Variants in CDH20 observed in about 807,000 individuals in gnomAD.
CDH20 encodes cadherin-20.
CDH20 carries 29 observed loss-of-function variants against 74.2 expected under a neutral mutation model. That is an observed-to-expected ratio of 0.39 (90% confidence interval 0.29 to 0.53). The LOEUF (loss-of-function observed/expected upper bound fraction) is 0.53, where lower values mean the gene tolerates loss of function less well. CDH20 is among the 20% of genes least tolerant of loss of function. The pLI is 0.69. For missense variants in CDH20, 988 were observed against 1,048.3 expected (o/e 0.94, Z 0.79); for synonymous variants, 469 against 405.4 (o/e 1.16, Z -1.88).
intron 5 of CDH20, 116 bp from the exon 6 acceptor site, chr18:61,507,257 T>C (rs1235837059): frequency 1.0e-6 from 1 of 990,938 alleles, no homozygotes; most frequent in Non-Finnish European, 1.5e-6. Context: ...ACTCAAGTTT[T>C]ACTTTTTGAA....
At position 61,554,703 on chromosome 18, in the gene CDH20, C is replaced by G. The variant is rs749735963; in HGVS notation, c.*8C>G. ...CCCGCGCCGCTGTGGTGACGGAAGC[C>G]AGGAGGCAGGCGCGCGTCCAAATCC... On this transcript the variant is annotated 3_prime_UTR_variant, in exon 12 of 12. Coordinates refer to ENST00000262717, the MANE Select transcript of CDH20 (RefSeq NM_031891.4). 2 of 1,548,388 alleles carry G rather than the reference C, an allele frequency of 1.3e-6. No individual in the cohort carries two copies. Among genetic ancestry groups the G allele is most frequent in the South Asian group, 1.2e-5 (1 of 85,032 alleles).
Position 61,553,114 on chromosome 18 carries a change from T to A in CDH20, c.1901-1076T>A, listed in dbSNP as rs149556401. Among the ~76,000 whole-genome samples, 1,235 of 152,278 alleles carry A rather than the reference T, an allele frequency of 8.1e-3. 17 individuals are homozygous for A. Among genetic ancestry groups the A allele is most frequent in the African/African-American group, 0.028 (1,174 of 41,546 alleles). ...AAAAGCACATCTACATTCAAAAAAA[T>A]TTTTAAATCATTGTTGTGAGTTTTA... On this transcript the variant is annotated intron_variant, in intron 11 of 11. Coordinates refer to ENST00000262717, the MANE Select transcript of CDH20 (RefSeq NM_031891.4).
chr18:61,496,557 C>G (rs982914205), intron 2 of CDH20, among the ~76,000 whole-genome samples: 11 of 152,132 alleles, frequency 7.2e-5, no homozygotes, highest in African/African-American at 2.7e-4. Flanking sequence ...CTCCAGGGCA[C>G]CAGCCAGCTC....
At chr18:61,494,805 A>G (rs1381978666) in intron 2 of CDH20, among the ~76,000 whole-genome samples, 3 of 152,184 alleles carry the variant, frequency 2.0e-5, no homozygotes, top group Admixed American at 6.5e-5. Context: ...CTTGTGCACG[A>G]ATCTGTGGGT....
chr18:61,510,304 G>T (rs1320351755), intron 6 of CDH20, among the ~76,000 whole-genome samples: 3 of 152,172 alleles, frequency 2.0e-5, no homozygotes, highest in Non-Finnish European at 4.4e-5. Flanking sequence ...GAGGCAGGAG[G>T]ATAATGGAGG....
intron 1 of CDH20, among the ~76,000 whole-genome samples, chr18:61,401,464 T>C (rs900598937): frequency 7.9e-5 from 12 of 152,208 alleles, no homozygotes; most frequent in African/African-American, 2.9e-4. Context: ...TACACACATA[T>C]ATTTATGTAT....
intron 1 of CDH20, among the ~76,000 whole-genome samples, chr18:61,429,681 C>T (rs1369698042): frequency 6.6e-6 from 1 of 152,152 alleles, no homozygotes; most frequent in Non-Finnish European, 1.5e-5. Context: ...GCCTCGTCTC[C>T]CCTGATTCTA....
intron 1 of CDH20, among the ~76,000 whole-genome samples, chr18:61,354,729 C>T (rs1192249912): frequency 2.6e-5 from 4 of 152,102 alleles, no homozygotes; most frequent in Non-Finnish European, 5.9e-5. Flanking sequence ...GCATGAAACC[C>T]TAACATATAT....
intron 1 of CDH20, among the ~76,000 whole-genome samples, chr18:61,450,728 T>G (rs115061531): frequency 6.6e-6 from 1 of 152,092 alleles, no homozygotes; most frequent in Non-Finnish European, 1.5e-5. Context: ...GATCATACTA[T>G]ACGTACTCTT....
At chr18:61,551,715 TC>T (rs1211429185) in intron 11 of CDH20, among the ~76,000 whole-genome samples, 1 of 151,948 alleles carries the variant, frequency 6.6e-6, no homozygotes, top group Non-Finnish European at 1.5e-5. Flanking sequence ...GCATTGGGAG[TC>T]CTTTAGCACA....
At chr18:61,485,198 T>C (rs1910714674) in intron 1 of CDH20, among the ~76,000 whole-genome samples, 1 of 152,228 alleles carries the variant, frequency 6.6e-6, no homozygotes, top group Admixed American at 6.5e-5. Flanking sequence ...CTTAAAAAGG[T>C]AATACTGTAA....
intron 1 of CDH20, among the ~76,000 whole-genome samples, chr18:61,359,009 A>G (rs1205926647): frequency 6.6e-6 from 1 of 152,186 alleles, no homozygotes; most frequent in Non-Finnish European, 1.5e-5. Flanking sequence ...ATCTAAGTGC[A>G]CACATTAAGT....
chr18:61,371,312 A>G (rs140068933), intron 1 of CDH20, among the ~76,000 whole-genome samples: 1 of 152,134 alleles, frequency 6.6e-6, no homozygotes, highest in East Asian at 1.9e-4. Context: ...TCTGTTTCCT[A>G]CTGAACAAAA....
At chr18:61,365,049 T>C (rs1035590618) in intron 1 of CDH20, among the ~76,000 whole-genome samples, 1 of 152,220 alleles carries the variant, frequency 6.6e-6, no homozygotes, top group Non-Finnish European at 1.5e-5. Context: ...TTCCAAGGCA[T>C]TTAACTCACT....
chr18:61,375,304 A>T (rs149572312), intron 1 of CDH20, among the ~76,000 whole-genome samples: 4 of 152,274 alleles, frequency 2.6e-5, no homozygotes, highest in Non-Finnish European at 5.9e-5. Flanking sequence ...TGTTCTTACA[A>T]CTACTGAAGC....
chr18:61,434,011 A>T (rs1156788468), intron 1 of CDH20, among the ~76,000 whole-genome samples: 4 of 152,126 alleles, frequency 2.6e-5, no homozygotes, highest in Non-Finnish European at 5.9e-5. Context: ...GATGGCTGGT[A>T]TTTGGGGACT....
At chr18:61,488,097 T>A (rs1470891121) in intron 1 of CDH20, among the ~76,000 whole-genome samples, 1 of 151,868 alleles carries the variant, frequency 6.6e-6, no homozygotes, top group Non-Finnish European at 1.5e-5. Context: ...TATATATATG[T>A]ACGTATATAT....
At chr18:61,352,970 A>G (rs573384535) in intron 1 of CDH20, among the ~76,000 whole-genome samples, 1 of 152,288 alleles carries the variant, frequency 6.6e-6, no homozygotes, top group East Asian at 1.9e-4. Flanking sequence ...AATAATTCTC[A>G]TTCCTTTTGA....
At chr18:61,452,235 T>C (rs1185136779) in intron 1 of CDH20, among the ~76,000 whole-genome samples, 4 of 151,370 alleles carry the variant, frequency 2.6e-5, no homozygotes, top group Middle Eastern at 3.4e-3. Context: ...GTATTTGATA[T>C]TTTTGTTTTT....
Sources: gnomAD v4.1 joint callset for allele counts (sites outside exome capture counted in the v4.1 genomes callset) on GRCh38, gnomAD v4.1.1 for gene constraint, MANE v1.5 for transcripts, NCBI Gene and HGNC (gene_info 2026-07-23, HGNC 2026-07-21) for gene names.